The following ST6GALNAC5 variants were observed in gnomAD, a reference collection of about 807,000 sequenced individuals.
The protein encoded by ST6GALNAC5 is alpha-N-acetylgalactosaminide alpha-2,6-sialyltransferase 5.
In ST6GALNAC5, 27 loss-of-function variants were observed where a neutral mutation model predicts 33.6. The observed-to-expected ratio is 0.80, with a 90% CI of 0.59 to 1.11. The LOEUF (loss-of-function observed/expected upper bound fraction) is 1.11, where lower values mean the gene tolerates loss of function less well. Ranked by LOEUF, ST6GALNAC5 falls within the 50% of genes least tolerant of loss-of-function variation. ST6GALNAC5 has a pLI of 0.00. For synonymous variants in ST6GALNAC5, 194 were observed against 171.2 expected, an observed-to-expected ratio of 1.13 and a Z score of -1.04; for missense variants, 428 against 454.0, an observed-to-expected ratio of 0.94 and a Z score of 0.52.
chr1:76,893,132 C>T (rs1654049186), intron 2 of ST6GALNAC5, among the ~76,000 whole-genome samples: 1 of 152,076 alleles, frequency 6.6e-6, no homozygotes, highest in Non-Finnish European at 1.5e-5. Flanking sequence ...GTAGATCCTG[C>T]CCCCAACAAC....
intron 2 of ST6GALNAC5, among the ~76,000 whole-genome samples, chr1:76,930,286 G>A (rs1331418092): frequency 1.3e-5 from 2 of 152,142 alleles, no homozygotes; most frequent in Non-Finnish European, 2.9e-5. Flanking sequence ...ATTTAGAACA[G>A]TATCTGGCAT....
chr1:77,045,352 A>C (rs1473618569), intron 3 of ST6GALNAC5, among the ~76,000 whole-genome samples: 2 of 152,198 alleles, frequency 1.3e-5, no homozygotes, highest in African/African-American at 4.8e-5. Flanking sequence ...GTTTCATGAA[A>C]CTTTTATTTC....
At chr1:76,876,512 AC>A (rs1267803585) in intron 2 of ST6GALNAC5, among the ~76,000 whole-genome samples, 1 of 152,028 alleles carries the variant, frequency 6.6e-6, no homozygotes, top group Non-Finnish European at 1.5e-5. Context: ...ACATTTTTTG[AC>A]CCCTCAGATA....
intron 2 of ST6GALNAC5, among the ~76,000 whole-genome samples, chr1:76,899,966 G>A (rs546269798): frequency 1.4e-4 from 22 of 152,294 alleles, no homozygotes; most frequent in Non-Finnish European, 2.5e-4. Flanking sequence ...TCCAAGTCAC[G>A]GCACCAAATT....
At chr1:76,981,929 A>G (rs1372699977) in intron 2 of ST6GALNAC5, among the ~76,000 whole-genome samples, 2 of 152,234 alleles carry the variant, frequency 1.3e-5, no homozygotes, top group African/African-American at 4.8e-5. Context: ...CCTGACCGTT[A>G]GAAGGAAAAC....
intron 2 of ST6GALNAC5, among the ~76,000 whole-genome samples, chr1:77,010,040 A>G (rs1047950659): frequency 6.6e-6 from 1 of 152,216 alleles, no homozygotes; most frequent in Admixed American, 6.5e-5. Flanking sequence ...ATGAAGTGAC[A>G]GCACTATAGA....
Position 76,999,099 on chromosome 1 carries a change from G to A in ST6GALNAC5, c.262-45105G>A, listed in dbSNP as rs185997675. On this transcript the variant is annotated intron_variant, in intron 2 of 4. Coordinates refer to ENST00000477717, the MANE Select transcript of ST6GALNAC5 (RefSeq NM_030965.3). The stretch of plus-strand genomic sequence containing the variant: ...ATAAAAAGGTTAAAATTACCTTTTG[G>A]ATTCAATGTGATATTTTCCCTAGAT... 1.8e-3 allele frequency among the ~76,000 whole-genome samples: 276 copies of A among 152,112 alleles called. 1 individual carries two copies. The highest frequency in any genetic ancestry group is 5.4e-3 in the Admixed American group (82 of 15,272).
chr1:76,958,105 C>T (rs182036421), intron 2 of ST6GALNAC5, among the ~76,000 whole-genome samples: 2 of 152,280 alleles, frequency 1.3e-5, no homozygotes, highest in East Asian at 3.9e-4. Context: ...GGTTGCCTGA[C>T]ATCCTGAGGC....
chr1:77,054,629 G>C (rs564984529), intron 4 of ST6GALNAC5, among the ~76,000 whole-genome samples: 1 of 152,208 alleles, frequency 6.6e-6, no homozygotes, highest in Admixed American at 6.5e-5. Flanking sequence ...AGAGGCAGTG[G>C]GGCAGAGAGA....
chr1:76,983,947 T>A (rs991742207), intron 2 of ST6GALNAC5, among the ~76,000 whole-genome samples: 5 of 152,228 alleles, frequency 3.3e-5, no homozygotes, highest in Non-Finnish European at 7.3e-5. Flanking sequence ...GAAATAAAGA[T>A]GTTCTTTCAA....
chr1:77,024,943 C>T (rs1351997791), intron 2 of ST6GALNAC5, among the ~76,000 whole-genome samples: 1 of 152,198 alleles, frequency 6.6e-6, no homozygotes, highest in East Asian at 1.9e-4. Context: ...GACAGGTCCT[C>T]TTTCTTGCCT....
intron 2 of ST6GALNAC5, among the ~76,000 whole-genome samples, chr1:76,954,210 G>A (rs191834802): frequency 7.8e-4 from 118 of 152,240 alleles, no homozygotes; most frequent in African/African-American, 2.6e-3. Flanking sequence ...AAAAAGGAGC[G>A]AGATTATGTC....
At chr1:77,011,988 A>G (rs1250369830) in intron 2 of ST6GALNAC5, among the ~76,000 whole-genome samples, 1 of 152,210 alleles carries the variant, frequency 6.6e-6, no homozygotes. Context: ...ACAGGCACAA[A>G]GAAGCTAAAT....
At chr1:76,898,821 T>G (rs1046614923) in intron 2 of ST6GALNAC5, among the ~76,000 whole-genome samples, 5 of 152,162 alleles carry the variant, frequency 3.3e-5, no homozygotes, top group East Asian at 3.9e-4. Flanking sequence ...GAGCGGAGCC[T>G]GAGGAAGAAT....
chr1:77,036,794 A>C (rs199691), intron 2 of ST6GALNAC5, among the ~76,000 whole-genome samples: 35,168 of 152,254 alleles, frequency 0.23, 5,042 homozygotes, highest in African/African-American at 0.4. Flanking sequence ...TACTGTGTGA[A>C]TAACACAAAG....
intron 2 of ST6GALNAC5, among the ~76,000 whole-genome samples, chr1:76,931,540 G>T (rs1338269626): frequency 6.6e-6 from 1 of 151,922 alleles, no homozygotes; most frequent in Non-Finnish European, 1.5e-5. Flanking sequence ...AGCATCAGAG[G>T]GATTTAAGTA....
chr1:77,015,637 G>A lies in ST6GALNAC5; in HGVS notation c.262-28567G>A, dbSNP rs190396887. On this transcript the variant is annotated intron_variant, in intron 2 of 4. Transcript: ENST00000477717. ...GATACAAGGTGGACAGAGCTGAAGC[G>A]GTTGAAGTGGAAGTGCTTTGGGGGT... Among the ~76,000 whole-genome samples the A allele has an allele frequency of 2.3e-3, 349 of 152,232 alleles. 6 individuals carry two copies. The highest frequency in any genetic ancestry group is 8.0e-3 in the African/African-American group (334 of 41,542).
chr1:77,063,178 A>G lies in ST6GALNAC5; in HGVS notation c.983A>G (p.Asn328Ser). Residue 328 changes from asparagine to serine, a missense_variant, in exon 5 of 5, where the codon AAT becomes AGT. By Grantham distance (46) the Asn-to-Ser change is conservative. Coordinates refer to ENST00000477717, the MANE Select transcript of ST6GALNAC5 (RefSeq NM_030965.3). ...PDWKPESLAI[N>S]HPENKPVF Reference sequence around the variant, plus strand: ...TGGAAACCAGAATCACTTGCTATAAATCATCCTGAGAATAAACCTGTGTTC... The same window carrying G: ...TGGAAACCAGAATCACTTGCTATAAGTCATCCTGAGAATAAACCTGTGTTC... The G allele has an allele frequency of 1.9e-6, 3 of 1,613,760 alleles. No homozygotes were observed. The highest frequency in any genetic ancestry group is 2.5e-6 in the Non-Finnish European group (3 of 1,179,774).
At chr1:76,946,121 A>T (rs1228821635) in intron 2 of ST6GALNAC5, among the ~76,000 whole-genome samples, 2 of 152,138 alleles carry the variant, frequency 1.3e-5, no homozygotes, top group African/African-American at 4.8e-5. Flanking sequence ...TTAACTACTT[A>T]GGTGGCCTAA....
Sources: gnomAD v4.1 joint callset for allele counts (sites outside exome capture counted in the v4.1 genomes callset) on GRCh38, gnomAD v4.1.1 for gene constraint, MANE v1.5 for transcripts, NCBI Gene and HGNC (gene_info 2026-07-23, HGNC 2026-07-21) for gene names.